PCDH15: variants seen among roughly 807,000 people sequenced by gnomAD.
PCDH15 encodes protocadherin-15.
In PCDH15, 129 loss-of-function variants were observed where a neutral mutation model predicts 178.5. The ratio of observed to expected loss-of-function variants is 0.72; its 90% CI spans 0.63 to 0.84. The LOEUF is 0.84. Among genes scored for constraint, PCDH15 ranks in the 40% least tolerant of loss-of-function variants. The pLI is 0.00. For missense variants in PCDH15, 2,230 were observed against 2,099.9 expected (o/e 1.06, Z -1.21); for synonymous variants, 800 against 732.0 (o/e 1.09, Z -1.50).
rs532978921 is a variant in PCDH15, at chr10:55,086,702, C to T, written c.-80+79874G>A. On this transcript the variant is annotated intron_variant, in intron 2 of 5. Coordinates refer to the PCDH15 transcript ENST00000458638. Reference sequence around the variant, plus strand: ...GGAATTCTGTGAACATGAAGACTTTCCCAAAATGACACACAGTCAATTTCC... The same window carrying T: ...GGAATTCTGTGAACATGAAGACTTTTCCAAAATGACACACAGTCAATTTCC... Among the ~76,000 whole-genome samples, 12 of 152,058 alleles carry T rather than the reference C, an allele frequency of 7.9e-5. No individual in the cohort carries two copies. In the East Asian group the frequency reaches 2.1e-3, roughly 27 times the overall value.
chr10:55,481,888 T>G (rs555152021), intron 2 of PCDH15, among the ~76,000 whole-genome samples: 19 of 151,954 alleles, frequency 1.3e-4, no homozygotes, highest in African/African-American at 4.3e-4. Flanking sequence ...TGAATATCTT[T>G]GTTAATTTTC....
intron 1 of PCDH15, among the ~76,000 whole-genome samples, chr10:55,181,203 C>G (rs925327526): frequency 2.6e-5 from 4 of 151,992 alleles, no homozygotes; most frequent in African/African-American, 9.7e-5. Context: ...GTCTGACATT[C>G]TGTGATTTAT....
intron 1 of PCDH15, among the ~76,000 whole-genome samples, chr10:55,315,872 C>T (rs371428249): frequency 6.6e-6 from 1 of 152,090 alleles, no homozygotes; most frequent in Admixed American, 6.5e-5. Flanking sequence ...AAAAATTTGC[C>T]AGGCGTGGTG....
intron 28 of PCDH15, among the ~76,000 whole-genome samples, chr10:53,847,114 G>A (rs1418629631): frequency 6.6e-6 from 1 of 151,970 alleles, no homozygotes; most frequent in Admixed American, 6.6e-5. Context: ...GGGAAAAGTA[G>A]TCAAACCTAC....
chr10:55,587,799 A>G (rs1842755920), intron 2 of PCDH15, among the ~76,000 whole-genome samples: 1 of 152,186 alleles, frequency 6.6e-6, no homozygotes, highest in South Asian at 2.1e-4. Context: ...TCTTGTTAAG[A>G]GGTCGTTTGT....
intron 2 of PCDH15, among the ~76,000 whole-genome samples, chr10:54,570,530 T>C (rs2089662932): frequency 6.6e-6 from 1 of 152,110 alleles, no homozygotes; most frequent in Non-Finnish European, 1.5e-5. Flanking sequence ...CTATTTCTTG[T>C]GGGATTTTCA....
chr10:54,466,901 T>C (rs887156678), intron 3 of PCDH15, among the ~76,000 whole-genome samples: 1 of 151,980 alleles, frequency 6.6e-6, no homozygotes, highest in Non-Finnish European at 1.5e-5. Context: ...TATTTCTAGG[T>C]ATTTTATTGT....
intron 2 of PCDH15, among the ~76,000 whole-genome samples, chr10:55,594,483 G>A (rs765990660): frequency 1.3e-5 from 2 of 151,894 alleles, no homozygotes; most frequent in Admixed American, 1.3e-4. Flanking sequence ...AGTTTAAGTT[G>A]GTTAATTGCA....
intron 5 of PCDH15, among the ~76,000 whole-genome samples, chr10:54,348,686 CT>C (rs1346367077): frequency 1.3e-5 from 2 of 152,092 alleles, no homozygotes; most frequent in African/African-American, 4.8e-5. Flanking sequence ...CTATTATATA[CT>C]TTTTTGTGGT....
intron 28 of PCDH15, among the ~76,000 whole-genome samples, chr10:53,848,190 G>A (rs1272761871): frequency 6.6e-6 from 1 of 151,786 alleles, no homozygotes; most frequent in East Asian, 1.9e-4. Context: ...CTTGTACCAT[G>A]AGTTGGGGTG....
At position 54,795,653 on chromosome 10, in the gene PCDH15, G is replaced by T. The variant is rs141719037; in HGVS notation, c.-29+5272C>A. 2.5e-3 allele frequency among the ~76,000 whole-genome samples: 382 copies of T among 151,980 alleles called. 4 individuals carry two copies. Among genetic ancestry groups the T allele is most frequent in the African/African-American group, 8.6e-3 (356 of 41,536 alleles). On this transcript the variant is annotated intron_variant, in intron 1 of 37. Coordinates refer to ENST00000644397, the MANE Select transcript of PCDH15 (RefSeq NM_001384140.1). ...AAATACAACGTGCAAGGCCACAAAT[G>T]AAATATGCTTTTTCATTTAATTGAG...
intron 17 of PCDH15, among the ~76,000 whole-genome samples, chr10:54,075,966 G>GT (rs1221651719): frequency 2.0e-5 from 3 of 151,760 alleles, no homozygotes; most frequent in East Asian, 1.9e-4. Flanking sequence ...GAATAAGTTT[G>GT]TTTTTTTAAA....
At chr10:55,221,343 AT>A (rs1840870339) in intron 1 of PCDH15, among the ~76,000 whole-genome samples, 1 of 152,130 alleles carries the variant, frequency 6.6e-6, no homozygotes, top group African/African-American at 2.4e-5. Flanking sequence ...ATAAATGTTT[AT>A]TAAAAATTTT....
At chr10:54,314,592 G>A (rs1048063308) in intron 8 of PCDH15, among the ~76,000 whole-genome samples, 8 of 152,042 alleles carry the variant, frequency 5.3e-5, no homozygotes, top group African/African-American at 1.4e-4. Context: ...CATAGGTGAA[G>A]TCGTGTCATG....
At chr10:54,072,537 G>T (rs1035719798) in intron 17 of PCDH15, among the ~76,000 whole-genome samples, 1 of 152,118 alleles carries the variant, frequency 6.6e-6, no homozygotes, top group African/African-American at 2.4e-5. Flanking sequence ...AAGGAGAAAG[G>T]GAGACACAGA....
intron 2 of PCDH15, among the ~76,000 whole-genome samples, chr10:54,930,715 C>T (rs1837751571): frequency 6.6e-6 from 1 of 152,084 alleles, no homozygotes; most frequent in Non-Finnish European, 1.5e-5. Flanking sequence ...TAACATGATA[C>T]TAACTTTCCT....
intron 2 of PCDH15, among the ~76,000 whole-genome samples, chr10:54,934,980 CA>C (rs561704053): frequency 3.4e-5 from 5 of 148,456 alleles, no homozygotes; most frequent in Admixed American, 6.9e-5. Flanking sequence ...ATCGCAAGGA[CA>C]AAAAAACCAA....
chr10:54,766,814 C>G (rs1480256982), intron 1 of PCDH15, among the ~76,000 whole-genome samples: 2 of 151,952 alleles, frequency 1.3e-5, no homozygotes, highest in Non-Finnish European at 2.9e-5. Flanking sequence ...CTGTAAGTCC[C>G]AGCTACTCCA....
intron 1 of PCDH15, among the ~76,000 whole-genome samples, chr10:55,316,368 C>T (rs1843722152): frequency 6.6e-6 from 1 of 152,112 alleles, no homozygotes; most frequent in Admixed American, 6.5e-5. Context: ...ATTTTCAGAA[C>T]ATTGCAAATG....
Sources: allele counts gnomAD v4.1 joint callset (sites outside exome capture counted in the v4.1 genomes callset), GRCh38; gene constraint gnomAD v4.1.1; transcripts MANE v1.5; gene names NCBI Gene and HGNC (gene_info 2026-07-23, HGNC 2026-07-21).